The following ADGRL3 variants were observed in gnomAD, a reference collection of about 807,000 sequenced individuals.
The protein encoded by ADGRL3 is calcium-independent alpha-latrotoxin receptor 3.
ADGRL3 carries 62 observed loss-of-function variants against 153.5 expected under a neutral mutation model. The ratio of observed to expected loss-of-function variants is 0.40; its 90% CI spans 0.33 to 0.50. The LOEUF is 0.50. Among genes scored for constraint, ADGRL3 ranks in the 20% least tolerant of loss-of-function variants. The pLI, the probability that ADGRL3 is intolerant of heterozygous loss-of-function variation, is 0.47. For missense variants in ADGRL3, 1,641 were observed against 1,859.4 expected, an observed-to-expected ratio of 0.88 and a Z score of 2.16; for synonymous variants, 710 against 672.5, an observed-to-expected ratio of 1.06 and a Z score of -0.86.
chr4:61,473,187 A>G (rs1036112128), intron 2 of ADGRL3, among the ~76,000 whole-genome samples: 2 of 137,470 alleles, frequency 1.5e-5, no homozygotes, highest in African/African-American at 5.4e-5. Context: ...GTGAAAGGAA[A>G]AAAACACCTA....
At chr4:61,690,102 T>A (rs1330084569) in intron 6 of ADGRL3, among the ~76,000 whole-genome samples, 1 of 152,146 alleles carries the variant, frequency 6.6e-6, no homozygotes, top group Non-Finnish European at 1.5e-5. Context: ...TTAAAGAAGT[T>A]TGAAATGTGT....
At chr4:61,523,286 G>A (rs980910215) in intron 4 of ADGRL3, among the ~76,000 whole-genome samples, 1 of 152,074 alleles carries the variant, frequency 6.6e-6, no homozygotes, top group African/African-American at 2.4e-5. Flanking sequence ...GAAGAACAGG[G>A]ATCAATTTTG....
chr4:61,478,033 C>A (rs575579734), intron 2 of ADGRL3, among the ~76,000 whole-genome samples: 5 of 151,900 alleles, frequency 3.3e-5, no homozygotes, highest in Admixed American at 6.6e-5. Context: ...TTAACTTCTC[C>A]ATAAAAATGT....
At chr4:61,512,302 T>G (rs1241133625) in intron 3 of ADGRL3, among the ~76,000 whole-genome samples, 1 of 152,126 alleles carries the variant, frequency 6.6e-6, no homozygotes, top group Non-Finnish European at 1.5e-5. Flanking sequence ...TCATAGGTAG[T>G]AGGACTGGTA....
intron 4 of ADGRL3, among the ~76,000 whole-genome samples, chr4:61,540,666 A>G (rs2098685119): frequency 6.6e-6 from 1 of 152,240 alleles, no homozygotes; most frequent in African/African-American, 2.4e-5. Context: ...CTAAAACTGG[A>G]TTGAATGTAG....
intron 9 of ADGRL3, among the ~76,000 whole-genome samples, chr4:61,839,241 GTAC>G (rs2097986306): frequency 6.6e-6 from 1 of 152,094 alleles, no homozygotes; most frequent in Non-Finnish European, 1.5e-5. Context: ...CCAGGCTGGA[GTAC>G]AGTGACACTT....
chr4:61,774,688 CTG>C (rs2097127374), intron 8 of ADGRL3, among the ~76,000 whole-genome samples: 1 of 151,838 alleles, frequency 6.6e-6, no homozygotes, highest in African/African-American at 2.4e-5. Context: ...GAAAGAGAGA[CTG>C]TATTCATATA....
At chr4:61,349,959 A>T (rs961895529) in intron 1 of ADGRL3, among the ~76,000 whole-genome samples, 1 of 152,202 alleles carries the variant, frequency 6.6e-6, no homozygotes, top group African/African-American at 2.4e-5. Context: ...TCTTTTATTT[A>T]TTCTACAAAT....
At chr4:61,997,319 A>T (rs947503852) in intron 20 of ADGRL3, among the ~76,000 whole-genome samples, 12 of 151,398 alleles carry the variant, frequency 7.9e-5, no homozygotes, top group African/African-American at 2.9e-4. Flanking sequence ...AATTCAAATT[A>T]GGTTTTCCCA....
At chr4:61,990,952 C>CTGTGTGTGTGTGTGTGTGTGTG (rs34294452) in intron 19 of ADGRL3, among the ~76,000 whole-genome samples, 1 of 142,272 alleles carries the variant, frequency 7.0e-6, no homozygotes, top group Non-Finnish European at 1.5e-5. Flanking sequence ...ATGTTTGAAA[C>CTGTGTGTGTGTGTGTGTGTGTG]TGTGTGTGTG....
At chr4:61,937,122 A>T (rs2098842349) in intron 15 of ADGRL3, among the ~76,000 whole-genome samples, 1 of 152,154 alleles carries the variant, frequency 6.6e-6, no homozygotes, top group Admixed American at 6.6e-5. Flanking sequence ...TAGCTTCCTA[A>T]ATCGTTTCCC....
intron 4 of ADGRL3, among the ~76,000 whole-genome samples, chr4:61,577,990 T>C (rs527541868): frequency 4.4e-4 from 67 of 152,150 alleles, no homozygotes; most frequent in South Asian, 1.5e-3. Flanking sequence ...TTTTGTGCTG[T>C]TAAGAAAAAA....
At chr4:61,273,163 A>T (rs1016549404) in intron 1 of ADGRL3, among the ~76,000 whole-genome samples, 3 of 152,198 alleles carry the variant, frequency 2.0e-5, no homozygotes, top group African/African-American at 7.2e-5. Context: ...AACACAGAGT[A>T]AGGAGACATG....
At chr4:61,995,335 T>C (rs1581793613) in intron 19 of ADGRL3, among the ~76,000 whole-genome samples, 1 of 152,158 alleles carries the variant, frequency 6.6e-6, no homozygotes, top group African/African-American at 2.4e-5. Context: ...GCATTTCTAA[T>C]TTCCCTTCTT....
intron 9 of ADGRL3, among the ~76,000 whole-genome samples, chr4:61,869,960 A>AAAAAAAAAAAAAAAAAAGAG (rs1554051477): frequency 2.0e-5 from 2 of 101,880 alleles, no homozygotes; most frequent in Admixed American, 1.1e-4. Flanking sequence ...AAAAAAAAAA[A>AAAAAAAAAAAAAAAAAAGAG]AGAGAGAGAG....
chr4:61,282,659 C>A (rs1401796998), intron 1 of ADGRL3, among the ~76,000 whole-genome samples: 2 of 151,814 alleles, frequency 1.3e-5, no homozygotes, highest in Non-Finnish European at 2.9e-5. Flanking sequence ...ATAGTAAATT[C>A]TTTCTTAGTT....
At chr4:62,007,484 A>T (rs112128369) in intron 21 of ADGRL3, among the ~76,000 whole-genome samples, 2 of 141,458 alleles carry the variant, frequency 1.4e-5, no homozygotes, top group African/African-American at 5.2e-5. Flanking sequence ...ATATATATAT[A>T]TGTATATATA....
At chr4:61,580,712 G>A (rs1377938697) in intron 4 of ADGRL3, among the ~76,000 whole-genome samples, 1 of 152,026 alleles carries the variant, frequency 6.6e-6, no homozygotes, top group Non-Finnish European at 1.5e-5. Flanking sequence ...CCTCTCTCAT[G>A]TGCATCCGAA....
At chr4:61,602,770 A>ACAAT (rs1374068035) in intron 5 of ADGRL3, among the ~76,000 whole-genome samples, 1 of 152,204 alleles carries the variant, frequency 6.6e-6, no homozygotes, top group Non-Finnish European at 1.5e-5. Context: ...ATTATGCAGA[A>ACAAT]CAATCACAAA....
Sources: allele counts gnomAD v4.1 joint callset (sites outside exome capture counted in the v4.1 genomes callset), GRCh38; gene constraint gnomAD v4.1.1; transcripts MANE v1.5; gene names NCBI Gene and HGNC (gene_info 2026-07-23, HGNC 2026-07-21).